Variants in KIF6 observed in about 807,000 individuals in gnomAD.
KIF6 encodes kinesin-like protein KIF6.
In KIF6, 106 loss-of-function variants were observed where a neutral mutation model predicts 112.7. The observed-to-expected ratio is 0.94, with a 90% CI of 0.80 to 1.11. The LOEUF is 1.11. Ranked by LOEUF, KIF6 falls within the 50% of genes least tolerant of loss-of-function variation. KIF6 has a pLI of 0.00. For synonymous variants in KIF6, 339 were observed against 339.9 expected (o/e 1.00, Z 0.03); for missense variants, 929 against 964.0 (o/e 0.96, Z 0.48).
intron 13 of KIF6, among the ~76,000 whole-genome samples, chr6:39,521,750 C>A (rs1777414203): frequency 6.6e-6 from 1 of 152,138 alleles, no homozygotes; most frequent in Non-Finnish European, 1.5e-5. Flanking sequence ...ACCACATCAT[C>A]CAGGAAGAGT....
chr6:39,615,753 T>G (rs1783484060), intron 5 of KIF6, among the ~76,000 whole-genome samples: 1 of 152,138 alleles, frequency 6.6e-6, no homozygotes, highest in African/African-American at 2.4e-5. Flanking sequence ...AAATTACTAA[T>G]TTTCTTGGTT....
intron 3 of KIF6, among the ~76,000 whole-genome samples, chr6:39,666,601 A>G (rs1786473912): frequency 6.6e-6 from 1 of 152,206 alleles, no homozygotes; most frequent in African/African-American, 2.4e-5. Context: ...TGTGTTCTGT[A>G]ACACTGGAGA....
At chr6:39,383,937 G>A (rs1767189327) in intron 16 of KIF6, among the ~76,000 whole-genome samples, 1 of 152,140 alleles carries the variant, frequency 6.6e-6, no homozygotes. Flanking sequence ...TTGCATTCTT[G>A]ATTGTCAGCA....
chr6:39,352,563 C>A (rs984855909), intron 19 of KIF6, among the ~76,000 whole-genome samples: 2 of 150,322 alleles, frequency 1.3e-5, no homozygotes, highest in Admixed American at 6.6e-5. Flanking sequence ...TTTCACTAAG[C>A]AATATGCATT....
At chr6:39,340,617 A>G (rs1763275830) in intron 22 of KIF6, among the ~76,000 whole-genome samples, 1 of 152,176 alleles carries the variant, frequency 6.6e-6, no homozygotes, top group South Asian at 2.1e-4. Context: ...AAGAGCATCA[A>G]ATGAAACAAT....
At chr6:39,682,833 C>T (rs1787612450) in intron 3 of KIF6, among the ~76,000 whole-genome samples, 1 of 151,264 alleles carries the variant, frequency 6.6e-6, no homozygotes, top group African/African-American at 2.4e-5. Context: ...CCACCTCAGC[C>T]TCCCAAAATG....
chr6:39,615,292 A>C, intron 5 of KIF6, among the ~76,000 whole-genome samples: 1 of 152,218 alleles, frequency 6.6e-6, no homozygotes, highest in Non-Finnish European at 1.5e-5. Flanking sequence ...CACCTATGAT[A>C]CACTTTGAAA....
intron 13 of KIF6, among the ~76,000 whole-genome samples, chr6:39,484,772 G>A (rs931774268): frequency 2.0e-5 from 3 of 152,128 alleles, no homozygotes; most frequent in Admixed American, 2.0e-4. Context: ...TAAGGACTGG[G>A]CCTGTATATA....
At chr6:39,381,012 C>T (rs1229295613) in intron 16 of KIF6, among the ~76,000 whole-genome samples, 1 of 152,190 alleles carries the variant, frequency 6.6e-6, no homozygotes, top group Non-Finnish European at 1.5e-5. Context: ...TGGACTGAGC[C>T]AGCTCAGCAC....
intron 7 of KIF6, among the ~76,000 whole-genome samples, chr6:39,587,300 G>C (rs1036581368): frequency 1.3e-5 from 2 of 152,176 alleles, no homozygotes; most frequent in African/African-American, 4.8e-5. Flanking sequence ...TAGCTCCTGA[G>C]AATACCTCCG....
At chr6:39,558,789 A>C (rs910132900) in intron 10 of KIF6, among the ~76,000 whole-genome samples, 5 of 152,220 alleles carry the variant, frequency 3.3e-5, no homozygotes, top group African/African-American at 9.6e-5. Flanking sequence ...ATTGCCATTT[A>C]TGCCTCATCC....
chr6:39,346,132 C>CCTCTCTGTCTCCCT (rs1763769555), intron 20 of KIF6, among the ~76,000 whole-genome samples: 1 of 26,936 alleles, frequency 3.7e-5, no homozygotes, highest in African/African-American at 1.5e-4. Context: ...CCTCCCTCTC[C>CCTCTCTGTCTCCCT]CTCTCTCTCT....
chr6:39,591,127 AACTAATC>A (rs1055549053), intron 7 of KIF6, among the ~76,000 whole-genome samples: 31 of 152,290 alleles, frequency 2.0e-4, no homozygotes, highest in African/African-American at 6.7e-4. Flanking sequence ...CCCATCCTTG[AACTAATC>A]ACTGTAGCCA....
In KIF6 at chr6:39,594,837, TTTTTA is replaced by T. The variant is rs149551484; in HGVS notation, c.846+1212_846+1216del. ...TCCAATTTTTGATCATGTTTCTTAT[TTTTTA>T]TTTTATTATTTTTTTTTAGAATTTG... On this transcript the variant is annotated intron_variant, in intron 7 of 22. Coordinates refer to ENST00000287152, the MANE Select transcript of KIF6 (RefSeq NM_145027.6). Among the ~76,000 whole-genome samples, 709 of 152,296 alleles carry T rather than the reference TTTTTA, an allele frequency of 4.7e-3. 5 individuals are homozygous for T. Among genetic ancestry groups the T allele is most frequent in the African/African-American group, 0.016 (659 of 41,572 alleles).
At chr6:39,437,982 T>C (rs1771655000) in intron 13 of KIF6, among the ~76,000 whole-genome samples, 1 of 152,180 alleles carries the variant, frequency 6.6e-6, no homozygotes, top group Non-Finnish European at 1.5e-5. Context: ...TATTTAATTA[T>C]TTATTTATTT....
rs1246111906 is a variant in KIF6, at chr6:39,335,385, A to G, written c.*1147T>C. On this transcript the variant is annotated 3_prime_UTR_variant, in exon 23 of 23. Transcript: ENST00000287152. ...CTCGATGGGCCTGCCTAGCTTAGAA[A>G]TGTAATGGTTTAATCTTCTCCTGCA... The G allele has an allele frequency of 6.6e-6, 1 of 152,164 alleles. No individual in the cohort carries two copies. The allele number at this position is 152,164 out of a possible 1,614,324, so 9.4% of individuals were successfully genotyped here. A position where few individuals can be genotyped will look rare whatever the true frequency, so the allele number is the denominator to read the frequency against.
intron 7 of KIF6, among the ~76,000 whole-genome samples, chr6:39,589,681 G>A (rs559898849): frequency 1.3e-5 from 2 of 152,272 alleles, no homozygotes; most frequent in South Asian, 4.1e-4. Context: ...ATCTGCGGGG[G>A]GCATGGTGGC....
chr6:39,442,386 A>G (rs944220755), intron 13 of KIF6, among the ~76,000 whole-genome samples: 1 of 151,994 alleles, frequency 6.6e-6, no homozygotes, highest in African/African-American at 2.4e-5. Flanking sequence ...TGCAGAAAAC[A>G]CTCATTTTCC....
chr6:39,703,620 G>A lies in KIF6; in HGVS notation c.251+11072C>T, dbSNP rs532920408. The stretch of plus-strand genomic sequence containing the variant: ...ATTCTGACCAGAAACACATGGCCTA[G>A]TATAAAAGTAAGGCTCAAATTCACT... On this transcript the variant is annotated intron_variant, in intron 3 of 22. Coordinates refer to ENST00000287152, the MANE Select transcript of KIF6 (RefSeq NM_145027.6). Among the ~76,000 whole-genome samples the A allele has an allele frequency of 1.8e-3, 268 of 152,244 alleles. 1 individual carries two copies. The highest frequency in any genetic ancestry group is 0.017 in the Middle Eastern group (5 of 294).
Sources: allele counts gnomAD v4.1 joint callset (sites outside exome capture counted in the v4.1 genomes callset), GRCh38; gene constraint gnomAD v4.1.1; transcripts MANE v1.5; gene names NCBI Gene and HGNC (gene_info 2026-07-23, HGNC 2026-07-21).